The following GID4 variants were observed in gnomAD, a reference collection of about 807,000 sequenced individuals.
GID4 encodes glucose-induced degradation protein 4 homolog.
A neutral mutation model predicts 32.4 loss-of-function variants in GID4; 7 were observed. The ratio of observed to expected loss-of-function variants is 0.22; its 90% CI spans 0.12 to 0.41. The LOEUF (loss-of-function observed/expected upper bound fraction) is 0.41, where lower values mean the gene tolerates loss of function less well. Ranked by LOEUF, GID4 falls within the 10% of genes least tolerant of loss-of-function variation. The pLI is 1.00. For synonymous variants in GID4, 166 were observed against 170.0 expected (o/e 0.98, Z 0.18); for missense variants, 309 against 400.0 (o/e 0.77, Z 1.94).
In GID4 at chr17:18,052,326, G is replaced by C. The variant is rs74988085; in HGVS notation, c.499-1801G>C. ...GCAGGCCTCCTGAGCCACCTGCAGCGGTGGTGACGTTCTGTTTCCTGGGAG... is the reference window on the plus strand; with the variant it reads ...GCAGGCCTCCTGAGCCACCTGCAGCCGTGGTGACGTTCTGTTTCCTGGGAG... On this transcript the variant is annotated intron_variant, in intron 2 of 5. Transcript: ENST00000268719. Among the ~76,000 whole-genome samples, 329 of 152,244 alleles carry C rather than the reference G, an allele frequency of 2.2e-3. 4 individuals carry two copies. In the East Asian group the frequency reaches 0.031, roughly 14 times the overall value.
chr17:18,060,234 C>T (rs959095063), intron 4 of GID4, among the ~76,000 whole-genome samples: 7 of 151,334 alleles, frequency 4.6e-5, no homozygotes, highest in Middle Eastern at 3.2e-3. Flanking sequence ...CCCGTCTTTA[C>T]TAAAAATACA....
intron 2 of GID4, among the ~76,000 whole-genome samples, chr17:18,050,674 T>C (rs2044901090): frequency 6.6e-6 from 1 of 152,226 alleles, no homozygotes; most frequent in African/African-American, 2.4e-5. Flanking sequence ...GTTGACTTAT[T>C]GGCCAATTGA....
intron 1 of GID4, 134 bp downstream of exon 1, chr17:18,040,036 C>T: frequency 1.7e-6 from 2 of 1,172,336 alleles, no homozygotes; most frequent in Non-Finnish European, 2.1e-6. Context: ...GCGCTTCCCA[C>T]CCGGGACCTT....
chr17:18,060,251 A>G (rs1597698756), intron 4 of GID4, among the ~76,000 whole-genome samples: 2 of 151,564 alleles, frequency 1.3e-5, no homozygotes, highest in African/African-American at 4.8e-5. Flanking sequence ...TACAAAAATT[A>G]GCCAGGTGTA....
At chr17:18,053,265 G>A (rs1348562458) in intron 2 of GID4, among the ~76,000 whole-genome samples, 2 of 149,592 alleles carry the variant, frequency 1.3e-5, no homozygotes, top group East Asian at 2.0e-4. Flanking sequence ...CTCCCACCTC[G>A]GCCTCCCAAA....
Position 18,057,839 on chromosome 17 carries a change from A to AT in GID4, c.607-1017dup, listed in dbSNP as rs553188963. Among the ~76,000 whole-genome samples the AT allele has an allele frequency of 6.8e-3, 998 of 147,388 alleles. 18 individuals carry two copies. The highest frequency in any genetic ancestry group is 0.022 in the African/African-American group (888 of 40,478). On this transcript the variant is annotated intron_variant, in intron 3 of 5. Coordinates refer to ENST00000268719, the MANE Select transcript of GID4 (RefSeq NM_024052.5). ...TTGCATCTGTACTGATGATGTATAG[A>AT]TTTTTTTTTTTTGAGACAGAGTCTC...
chr17:18,054,105 G>A (rs2044941257), intron 2 of GID4, 22 bp from the exon 3 acceptor site: 1 of 1,303,778 alleles, frequency 7.7e-7, no homozygotes. Context: ...ATCTTATTTT[G>A]ATATTTGGGT....
rs1310718156 is a variant in GID4, at chr17:18,040,022, C to T, written c.438+120C>T. ...GCCCTCGCCGCCGGGGCCTCCTGCACCCGGCGCTTCCCACCCGGGACCTTC... is the reference window on the plus strand; with the variant it reads ...GCCCTCGCCGCCGGGGCCTCCTGCATCCGGCGCTTCCCACCCGGGACCTTC... On this transcript the variant is annotated intron_variant, in intron 1 of 5. Transcript: ENST00000268719. The T allele has an allele frequency of 4.1e-6, 5 of 1,218,964 alleles. No homozygotes were observed. In the East Asian group the frequency reaches 1.7e-4, roughly 40 times the overall value. 75.5% of individuals were successfully genotyped at this position (1,218,964 alleles called of 1,614,324 possible).
At chr17:18,057,013 T>G in intron 3 of GID4, 1 of 1,547,130 alleles carries the variant, frequency 6.5e-7, no homozygotes, top group Non-Finnish European at 8.7e-7. Context: ...TGTCATTTTT[T>G]CATTATAAAC....
rs1447769099 is a variant in GID4, at chr17:18,067,920, T to C, written c.*2677T>C. 6.6e-6 allele frequency: 1 copy of C among 152,628 alleles called. No individual in the cohort carries two copies. The highest frequency in any genetic ancestry group is 2.4e-5 in the African/African-American group (1 of 41,466). The allele number at this position is 152,628 out of a possible 1,614,324, so 9.5% of individuals were successfully genotyped here. Reference sequence around the variant, plus strand: ...CTGGACTTCCACCCACCCACCCTTTTCAAGTTTAGATAGTGTTTCAGCTGC... The same window carrying C: ...CTGGACTTCCACCCACCCACCCTTTCCAAGTTTAGATAGTGTTTCAGCTGC... On this transcript the variant is annotated 3_prime_UTR_variant, in exon 6 of 6. Transcript: ENST00000268719.
At chr17:18,042,113 C>G (rs2044808876) in intron 1 of GID4, among the ~76,000 whole-genome samples, 1 of 152,214 alleles carries the variant, frequency 6.6e-6, no homozygotes, top group Non-Finnish European at 1.5e-5. Context: ...ATACTTCTGC[C>G]TTTTATAACT....
chr17:18,065,353 G>A lies in GID4; in HGVS notation c.*110G>A, dbSNP rs527297354. 1.3e-5 allele frequency: 10 copies of A among 796,942 alleles called. No homozygotes were observed. The highest frequency in any genetic ancestry group is 4.4e-5 in the South Asian group (3 of 68,076). 49.4% of individuals were successfully genotyped at this position (796,942 alleles called of 1,614,324 possible). A position where few individuals can be genotyped will look rare whatever the true frequency, so the allele number is the denominator to read the frequency against. On this transcript the variant is annotated 3_prime_UTR_variant, in exon 6 of 6. Coordinates refer to ENST00000268719, the MANE Select transcript of GID4 (RefSeq NM_024052.5). ...GAGAAGTGTGTTCCTGTTTCTTCAC[G>A]AGCAGACTCGCATCACAAAGCATGA...
Position 18,054,253 on chromosome 17 carries a change from T to G in GID4, c.606+19T>G, listed in dbSNP as rs1409696556. ...ACACTGGGTGAGTAAATCTGATCTG[T>G]GCTGGGTCATCTAGGGGCTGCTAGA... is the stretch of plus-strand genomic sequence containing the variant. On this transcript the variant is annotated intron_variant, in intron 3 of 5. Transcript: ENST00000268719. 7.0e-7 allele frequency: 1 copy of G among 1,438,402 alleles called. No homozygotes were observed. Among genetic ancestry groups the G allele is most frequent in the African/African-American group, 1.4e-5 (1 of 71,160 alleles). 89.1% of individuals were successfully genotyped at this position (1,438,402 alleles called of 1,614,324 possible).
intron 3 of GID4, among the ~76,000 whole-genome samples, chr17:18,054,988 G>A (rs1354021435): frequency 1.3e-5 from 2 of 152,118 alleles, no homozygotes; most frequent in African/African-American, 2.4e-5. Context: ...TGGCTAACAC[G>A]GTGAAACCTC....
Position 18,068,322 on chromosome 17 carries a change from A to T in GID4, c.*3079A>T, listed in dbSNP as rs2045086834. On this transcript the variant is annotated 3_prime_UTR_variant, in exon 6 of 6. Transcript: ENST00000268719. Reference sequence around the variant, plus strand: ...ATGGAGGACATGTGGAAGGAGTTTGAGGGTTTGGGATGGGAGAAGTATTTT... The same window carrying T: ...ATGGAGGACATGTGGAAGGAGTTTGTGGGTTTGGGATGGGAGAAGTATTTT... 6.6e-6 allele frequency: 1 copy of T among 152,600 alleles called. No individual in the cohort carries two copies. The highest frequency in any genetic ancestry group is 6.5e-5 in the Admixed American group (1 of 15,270). The allele number at this position is 152,600 out of a possible 1,614,324, so 9.5% of individuals were successfully genotyped here. A position where few individuals can be genotyped will look rare whatever the true frequency, so the allele number is the denominator to read the frequency against.
chr17:18,056,592 C>G (rs990245525), intron 3 of GID4: 3 of 1,037,666 alleles, frequency 2.9e-6, no homozygotes, highest in African/African-American at 3.2e-5. Context: ...TCATATTGGT[C>G]CTGCAAAAAG....
At position 18,061,470 on chromosome 17, in the gene GID4, C is replaced by G. The variant is rs2045017233; in HGVS notation, c.709-375C>G. On this transcript the variant is annotated intron_variant, in intron 4 of 5. Coordinates refer to ENST00000268719, the MANE Select transcript of GID4 (RefSeq NM_024052.5). The surrounding 1 kb of genome is among the most constrained non-coding windows in gnomAD (Gnocchi z 4.4). ...CTGTTGACAGTTCTGAGAACTGGAGCAGAAACTTCGCTCTTCCCAGGTTGA... is the reference window on the plus strand; with the variant it reads ...CTGTTGACAGTTCTGAGAACTGGAGGAGAAACTTCGCTCTTCCCAGGTTGA... 1.3e-5 allele frequency among the ~76,000 whole-genome samples: 2 copies of G among 152,190 alleles called. No homozygotes were observed. The highest frequency in any genetic ancestry group is 2.9e-5 in the Non-Finnish European group (2 of 68,038).
intron 3 of GID4, chr17:18,056,606 A>G: frequency 8.0e-7 from 1 of 1,243,956 alleles, no homozygotes; most frequent in Non-Finnish European, 1.1e-6. Context: ...CAAAAAGCAA[A>G]GTCTTTGAGG....
intron 3 of GID4, chr17:18,057,321 A>G: frequency 3.4e-6 from 1 of 293,346 alleles, no homozygotes; most frequent in South Asian, 4.0e-5. Context: ...AATCCCAGCT[A>G]TTCGGGAGGC....
Sources: allele counts gnomAD v4.1 joint callset (sites outside exome capture counted in the v4.1 genomes callset), GRCh38; gene constraint gnomAD v4.1.1; non-coding constraint Gnocchi (gnomAD v3.1); transcripts MANE v1.5; gene names NCBI Gene and HGNC (gene_info 2026-07-23, HGNC 2026-07-21).